The following KLC1 variants were observed in gnomAD, a reference collection of about 807,000 sequenced individuals.
KLC1 encodes kinesin 2 60/70kDa.
In KLC1, 30 loss-of-function variants were observed where a neutral mutation model predicts 84.2. The ratio of observed to expected loss-of-function variants is 0.36; its 90% CI spans 0.27 to 0.48. The LOEUF is 0.48. Among genes scored for constraint, KLC1 ranks in the 20% least tolerant of loss-of-function variants. The probability of loss-of-function intolerance (pLI) is 0.99; values close to 1 mark genes in which losing one functional copy is unlikely to be tolerated. For missense variants in KLC1, 499 were observed against 805.4 expected, an observed-to-expected ratio of 0.62 and a Z score of 4.60; for synonymous variants, 289 against 293.3, an observed-to-expected ratio of 0.99 and a Z score of 0.15.
At position 103,646,335 on chromosome 14, in the gene KLC1, TCTGTCA is replaced by T. The variant is rs574951752; in HGVS notation, c.-1-8227_-1-8222del. The stretch of plus-strand genomic sequence containing the variant: ...TATTTTCTGAGACAGTCTTGCTTGC[TCTGTCA>T]CCTACGCTGGAGTGCAGTGGCATGA... On this transcript the variant is annotated intron_variant, in intron 1 of 16. Transcript: ENST00000334553. Among the ~76,000 whole-genome samples the T allele has an allele frequency of 1.4e-3, 206 of 152,320 alleles. 1 individual carries two copies. Among genetic ancestry groups the T allele is most frequent in the Admixed American group, 4.5e-3 (69 of 15,288 alleles).
chr14:103,659,104 A>G (rs1394683009), intron 3 of KLC1, among the ~76,000 whole-genome samples: 2 of 151,678 alleles, frequency 1.3e-5, no homozygotes. Flanking sequence ...CAGCCTTCCA[A>G]GTAGCTGGGA....
intron 1 of KLC1, among the ~76,000 whole-genome samples, chr14:103,639,414 A>G (rs1490647514): frequency 6.6e-6 from 1 of 151,942 alleles, no homozygotes; most frequent in Non-Finnish European, 1.5e-5. Flanking sequence ...TACAGGTGTG[A>G]GCCACCACGC....
At chr14:103,647,327 G>A (rs968828647) in intron 1 of KLC1, among the ~76,000 whole-genome samples, 5 of 151,936 alleles carry the variant, frequency 3.3e-5, no homozygotes, top group Admixed American at 6.6e-5. Flanking sequence ...AGGTTCAAGC[G>A]ATTCTCCTGC....
At chr14:103,632,079 T>C (rs994832429) in intron 1 of KLC1, among the ~76,000 whole-genome samples, 1 of 152,096 alleles carries the variant, frequency 6.6e-6, no homozygotes, top group Admixed American at 6.6e-5. Flanking sequence ...CTGTGCTGAG[T>C]AGTCAGCGAT....
At chr14:103,700,788 C>T in intron 16 of KLC1, 61 bp downstream of exon 16, 3 of 1,338,530 alleles carry the variant, frequency 2.2e-6, no homozygotes, top group Non-Finnish European at 3.1e-6. Flanking sequence ...GGACTTTGCA[C>T]ATGCAGGGAC....
At chr14:103,677,348 G>C in intron 11 of KLC1, 67 bp from the exon 12 acceptor site, 3 of 887,866 alleles carry the variant, frequency 3.4e-6, no homozygotes, top group Non-Finnish European at 5.7e-6. Flanking sequence ...TTTAGATTAT[G>C]TGCTGTTGAT....
At chr14:103,688,475 A>T (rs573299740) in intron 14 of KLC1, among the ~76,000 whole-genome samples, 65 of 149,820 alleles carry the variant, frequency 4.3e-4, no homozygotes, top group East Asian at 9.8e-4. Context: ...AAAGCTATTT[A>T]AAAAAAAAAG....
rs202005102 is a variant in KLC1, at chr14:103,693,578, C to G, written c.1848+1153C>G. ...GAACGAAATAATTGTCTGGCCGACT[C>G]GCGAGCTCTGAGTGCCAGCCACACT... On this transcript the variant is annotated intron_variant, in intron 15 of 16. Transcript: ENST00000334553. This position sits in a 1 kb window ranked among gnomAD's most constrained non-coding sequence, Gnocchi z 5.1. 1 of 1,536,002 alleles carries G rather than the reference C, an allele frequency of 6.5e-7. No individual in the cohort carries two copies. The highest frequency in any genetic ancestry group is 8.7e-7 in the Non-Finnish European group (1 of 1,146,908).
chr14:103,649,441 G>A (rs1175202120), intron 1 of KLC1, among the ~76,000 whole-genome samples: 2 of 150,964 alleles, frequency 1.3e-5, no homozygotes, highest in African/African-American at 4.9e-5. Flanking sequence ...TACATAATTT[G>A]TTAGGGGCCT....
intron 1 of KLC1, among the ~76,000 whole-genome samples, chr14:103,649,872 T>G (rs954772650): frequency 6.6e-6 from 1 of 152,102 alleles, no homozygotes. Flanking sequence ...ATTTTTTGTA[T>G]TTTTAGTAGA....
At chr14:103,679,193 TG>T in intron 12 of KLC1, 190 bp from the exon 13 acceptor site, 1 of 673,384 alleles carries the variant, frequency 1.5e-6, no homozygotes, top group East Asian at 2.7e-5. Context: ...ACTGTTCCTC[TG>T]AGGGGTCCTT....
At chr14:103,687,015 G>T in intron 13 of KLC1, 66 bp from the exon 14 acceptor site, 1 of 1,376,958 alleles carries the variant, frequency 7.3e-7, no homozygotes, top group Non-Finnish European at 9.9e-7. Flanking sequence ...ATTTGCACCC[G>T]GTGTGGCTCT....
At chr14:103,698,740 G>A in intron 15 of KLC1, 1 of 1,492,438 alleles carries the variant, frequency 6.7e-7, no homozygotes, top group Non-Finnish European at 9.1e-7. Context: ...CGTTTTAAAG[G>A]CCCGAGCCCC....
Position 103,662,781 on chromosome 14 carries a change from C to T in KLC1, c.651C>T (p.His217=), listed in dbSNP as rs2079402766. 1 of 1,612,844 alleles carries T rather than the reference C, an allele frequency of 6.2e-7. No individual in the cohort carries two copies. The highest frequency in any genetic ancestry group is 8.5e-7 in the Non-Finnish European group (1 of 1,179,812). ...TCCCCGCGCGGCTGCGGACGCTCCACAACCTGGTGATCCAGTACGCCTCGC... is the reference window on the plus strand; with the variant it reads ...TCCCCGCGCGGCTGCGGACGCTCCATAACCTGGTGATCCAGTACGCCTCGC... The part of the protein sequence containing the change: ...YEIPARLRTL[H]NLVIQYASQG... Residue 217 remains histidine (H), a synonymous_variant, in exon 5 of 17, where the codon CAC becomes CAT. Coordinates refer to ENST00000334553, the MANE Select transcript of KLC1 (RefSeq NM_001394837.1).
At chr14:103,684,985 G>A (rs758117431) in intron 13 of KLC1, 2 of 1,037,902 alleles carry the variant, frequency 1.9e-6, no homozygotes, top group African/African-American at 3.1e-5. Flanking sequence ...CCATTTTAAA[G>A]ATGAGGAAAA....
At chr14:103,643,671 T>G (rs2077665278) in intron 1 of KLC1, among the ~76,000 whole-genome samples, 2 of 152,194 alleles carry the variant, frequency 1.3e-5, no homozygotes, top group Non-Finnish European at 2.9e-5. Context: ...CTCACGCCTG[T>G]AATCCCAACA....
At chr14:103,686,311 G>T in intron 13 of KLC1, 1 of 727,342 alleles carries the variant, frequency 1.4e-6, no homozygotes, top group Non-Finnish European at 1.7e-6. Flanking sequence ...AGGGGTCATG[G>T]GGTGACAGTT....
At chr14:103,686,559 A>G (rs573158825) in intron 13 of KLC1, 1 of 152,204 alleles carries the variant, frequency 6.6e-6, no homozygotes, top group Non-Finnish European at 1.5e-5. Context: ...GTTAACATTT[A>G]ATGAAACTGT....
rs561798739 is a variant in KLC1 at position 103,684,560 on chromosome 14, C to G, written c.1651-2521C>G. ...TGGGGCAGACCCGCTCCACTGCCAACCCCAGGTGCTGGTCTGGGTCTGCAG... is the reference window on the plus strand; with the variant it reads ...TGGGGCAGACCCGCTCCACTGCCAAGCCCAGGTGCTGGTCTGGGTCTGCAG... On this transcript the variant is annotated intron_variant, in intron 13 of 16. Transcript: ENST00000334553. Among the ~76,000 whole-genome samples, 3 of 152,320 alleles carry G rather than the reference C, an allele frequency of 2.0e-5. No homozygotes were observed. In the South Asian group the frequency reaches 6.2e-4, roughly 32 times the overall value.
Sources: gnomAD v4.1 joint callset for allele counts (sites outside exome capture counted in the v4.1 genomes callset) on GRCh38, gnomAD v4.1.1 for gene constraint, Gnocchi (gnomAD v3.1) non-coding constraint, MANE v1.5 for transcripts, NCBI Gene and HGNC (gene_info 2026-07-23, HGNC 2026-07-21) for gene names.